CAMTA1: variants seen among roughly 807,000 people sequenced by gnomAD.
CAMTA1 encodes the protein calmodulin binding transcription activator 1.
A neutral mutation model predicts 170.9 loss-of-function variants in CAMTA1; 27 were observed. That is an observed-to-expected ratio of 0.16 (90% CI 0.12 to 0.22). The LOEUF (loss-of-function observed/expected upper bound fraction) is 0.22, where lower values mean the gene tolerates loss of function less well. Among genes scored for constraint, CAMTA1 ranks in the 10% least tolerant of loss-of-function variants. The pLI is 1.00. For synonymous variants in CAMTA1, 833 were observed against 891.5 expected, an observed-to-expected ratio of 0.93 and a Z score of 1.17; for missense variants, 1,619 against 2,217.2, an observed-to-expected ratio of 0.73 and a Z score of 5.42.
At chr1:7,284,555 A>G (rs1672082485) in intron 5 of CAMTA1, among the ~76,000 whole-genome samples, 1 of 152,164 alleles carries the variant, frequency 6.6e-6, no homozygotes, top group African/African-American at 2.4e-5. Flanking sequence ...GTAGTGAGAA[A>G]CACATGGGTT....
Position 7,664,900 on chromosome 1 carries a change from G to T in CAMTA1, c.2353G>T (p.Gly785Trp). 6.2e-7 allele frequency: 1 copy of T among 1,613,222 alleles called. No individual in the cohort carries two copies. Among genetic ancestry groups the T allele is most frequent in the Non-Finnish European group, 8.5e-7 (1 of 1,179,992 alleles). The part of the protein sequence containing the change: ...DLINDFISVE[G>W]GSSTIYGHQL... The stretch of plus-strand genomic sequence containing the variant: ...GATCAACGACTTCATCTCCGTGGAG[G>T]GGGGCAGCAGCACCATCTATGGGCA... Residue 785 changes from glycine to tryptophan, a missense_variant, in exon 9 of 23, where the codon GGG (glycine) becomes TGG (tryptophan). Coordinates refer to ENST00000303635, the MANE Select transcript of CAMTA1 (RefSeq NM_015215.4).
Position 7,558,355 on chromosome 1 carries a change from C to T in CAMTA1, c.511-82045C>T, listed in dbSNP as rs1219973586. ...GGGTCAAGGCCGCCAGGGTTGAAGG[C>T]GGGGAGCATGGAGCCCCTCTGGATG... On this transcript the variant is annotated intron_variant, in intron 6 of 22. Coordinates refer to ENST00000303635, the MANE Select transcript of CAMTA1 (RefSeq NM_015215.4). Among the ~76,000 whole-genome samples, 15 of 152,334 alleles carry T rather than the reference C, an allele frequency of 9.8e-5. No individual in the cohort carries two copies. In the East Asian group the frequency reaches 2.5e-3, roughly 25 times the overall value.
At chr1:7,495,031 C>CCTAG (rs551262985) in intron 6 of CAMTA1, among the ~76,000 whole-genome samples, 58 of 152,218 alleles carry the variant, frequency 3.8e-4, no homozygotes, top group Non-Finnish European at 6.8e-4. Flanking sequence ...AGAAAAGGAT[C>CCTAG]CTAGGTCTCT....
At chr1:7,560,102 G>C (rs982115242) in intron 6 of CAMTA1, among the ~76,000 whole-genome samples, 3 of 152,200 alleles carry the variant, frequency 2.0e-5, no homozygotes, top group African/African-American at 7.2e-5. Flanking sequence ...TCCAGCTCAG[G>C]AGGGGGATTC....
chr1:7,012,589 G>A (rs1238942602), intron 3 of CAMTA1, among the ~76,000 whole-genome samples: 1 of 152,184 alleles, frequency 6.6e-6, no homozygotes, highest in African/African-American at 2.4e-5. Context: ...AGGGCTGAGT[G>A]CTGTGGGCGC....
chr1:7,472,453 C>G (rs983933943), intron 6 of CAMTA1, among the ~76,000 whole-genome samples: 1 of 152,166 alleles, frequency 6.6e-6, no homozygotes. Context: ...CCACCACGCA[C>G]CACACTTCAC....
At chr1:7,213,024 C>T (rs1291537135) in intron 4 of CAMTA1, among the ~76,000 whole-genome samples, 1 of 152,160 alleles carries the variant, frequency 6.6e-6, no homozygotes, top group Non-Finnish European at 1.5e-5. Flanking sequence ...TGAAGGACAT[C>T]TGGGTGTTTC....
intron 20 of CAMTA1, 71 bp from the exon 21 acceptor site, chr1:7,752,388 A>C: frequency 7.7e-7 from 1 of 1,306,230 alleles, no homozygotes; most frequent in Non-Finnish European, 1.1e-6. Flanking sequence ...GTCCTCTGTC[A>C]CTGCTGACCA....
At chr1:6,854,274 C>T (rs1014104956) in intron 3 of CAMTA1, among the ~76,000 whole-genome samples, 6 of 152,166 alleles carry the variant, frequency 3.9e-5, no homozygotes, top group Non-Finnish European at 7.4e-5. Context: ...AGATACCTAT[C>T]GTGTCACAGT....
intron 5 of CAMTA1, among the ~76,000 whole-genome samples, chr1:7,261,162 T>C (rs939515217): frequency 4.6e-5 from 7 of 152,248 alleles, no homozygotes; most frequent in Non-Finnish European, 8.8e-5. Context: ...GCTTCACTTA[T>C]GGAAACATAA....
Position 7,601,953 on chromosome 1 carries a change from G to A in CAMTA1, c.511-38447G>A, listed in dbSNP as rs368579944. ...GTGGAAAGAGAGGGAGAGGGAGACC[G>A]TGGGGAGAGGGAGACTGTGGGGAGA... is the stretch of plus-strand genomic sequence containing the variant. On this transcript the variant is annotated intron_variant, in intron 6 of 22. Transcript: ENST00000303635. Among the ~76,000 whole-genome samples, 40 of 140,904 alleles carry A rather than the reference G, an allele frequency of 2.8e-4. 2 individuals are homozygous for A. In the East Asian group the frequency reaches 4.9e-3, roughly 17 times the overall value. 92.4% of individuals were successfully genotyped at this position (140,904 alleles called of 152,430 possible). A position where few individuals can be genotyped will look rare whatever the true frequency, so the allele number is the denominator to read the frequency against.
chr1:7,608,370 A>G (rs561955337), intron 6 of CAMTA1, among the ~76,000 whole-genome samples: 6 of 152,332 alleles, frequency 3.9e-5, no homozygotes, highest in Admixed American at 1.3e-4. Flanking sequence ...AGAGCCTCCC[A>G]GGCCTAGTTC....
intron 11 of CAMTA1, among the ~76,000 whole-genome samples, chr1:7,683,264 GA>G (rs1278441529): frequency 6.6e-6 from 1 of 151,694 alleles, no homozygotes; most frequent in African/African-American, 2.4e-5. Context: ...ATGGAAGACA[GA>G]GGAGCAAAAA....
At chr1:6,999,412 C>A (rs1287603394) in intron 3 of CAMTA1, among the ~76,000 whole-genome samples, 1 of 152,196 alleles carries the variant, frequency 6.6e-6, no homozygotes, top group Non-Finnish European at 1.5e-5. Flanking sequence ...GAGACAGAGT[C>A]TCACTCTGTT....
intron 5 of CAMTA1, among the ~76,000 whole-genome samples, chr1:7,375,637 C>T (rs2086788886): frequency 6.6e-6 from 1 of 152,182 alleles, no homozygotes; most frequent in Non-Finnish European, 1.5e-5. Context: ...CGGGCCTTCC[C>T]CTGTGCAGGC....
At chr1:7,479,390 GGGTGGGGGTGGTA>G (rs1243470694) in intron 6 of CAMTA1, among the ~76,000 whole-genome samples, 27 of 152,178 alleles carry the variant, frequency 1.8e-4, no homozygotes, top group South Asian at 8.3e-4. Context: ...TAAGGATCTG[GGGTGGGGGTGGTA>G]CCTGAAGGAG....
chr1:7,175,671 G>T (rs1159252121), intron 4 of CAMTA1, among the ~76,000 whole-genome samples: 3 of 152,252 alleles, frequency 2.0e-5, no homozygotes, highest in African/African-American at 7.2e-5. Context: ...TTGAAGCGGG[G>T]TATCCCCTGG....
rs754591776 is a variant in CAMTA1, at chr1:7,664,785, C to G, written c.2238C>G (p.Pro746=). The G allele has an allele frequency of 5.0e-6, 8 of 1,612,460 alleles. No individual in the cohort carries two copies. The highest frequency in any genetic ancestry group is 6.8e-6 in the Non-Finnish European group (8 of 1,179,468). Residue 746 remains proline (P), a synonymous_variant, in exon 9 of 23, where the codon CCC becomes CCG. Transcript: ENST00000303635. ...LPGNVVQGLY[P]VAQPSLGNAS... ...GCAACGTGGTGCAGGGACTCTACCCCGTGGCCCAGCCCAGCCTCGGCAACG... is the reference window on the plus strand; with the variant it reads ...GCAACGTGGTGCAGGGACTCTACCCGGTGGCCCAGCCCAGCCTCGGCAACG...
intron 5 of CAMTA1, among the ~76,000 whole-genome samples, chr1:7,317,628 C>T (rs1677721358): frequency 1.3e-5 from 2 of 152,198 alleles, no homozygotes; most frequent in South Asian, 2.1e-4. Context: ...ACACAGGAGG[C>T]AGAGAAGATG....
Sources: allele counts gnomAD v4.1 joint callset (sites outside exome capture counted in the v4.1 genomes callset), GRCh38; gene constraint gnomAD v4.1.1; transcripts MANE v1.5; gene names NCBI Gene and HGNC (gene_info 2026-07-23, HGNC 2026-07-21).